Variants in SHE observed in about 807,000 individuals in gnomAD.
SHE encodes the protein SH2 domain-containing adapter protein E.
A neutral mutation model predicts 49.8 loss-of-function variants in SHE; 11 were observed. The observed-to-expected ratio is 0.22, with a 90% CI of 0.14 to 0.37. The LOEUF is 0.37. SHE is among the 10% of genes least tolerant of loss of function. The pLI is 1.00. For missense variants in SHE, 624 were observed against 655.5 expected, an observed-to-expected ratio of 0.95 and a Z score of 0.52; for synonymous variants, 310 against 278.1, an observed-to-expected ratio of 1.11 and a Z score of -1.14.
At position 154,483,998 on chromosome 1, in the gene SHE, A is replaced by C; in HGVS notation, c.*151T>G. Reference sequence around the variant, plus strand: ...GGGCAACACAGCGAGACTTCGTCTCAAACAAAACAAAACAAATCACTCTCT... The same window carrying C: ...GGGCAACACAGCGAGACTTCGTCTCCAACAAAACAAAACAAATCACTCTCT... On this transcript the variant is annotated 3_prime_UTR_variant, in exon 6 of 6. Transcript: ENST00000304760. 7.0e-7 allele frequency: 1 copy of C among 1,424,982 alleles called. No homozygotes were observed. The highest frequency in any genetic ancestry group is 2.9e-5 in the Admixed American group (1 of 34,912). The allele number at this position is 1,424,982 out of a possible 1,614,324, so 88.3% of individuals were successfully genotyped here.
At chr1:154,498,161 T>A (rs1393346151) in intron 2 of SHE, among the ~76,000 whole-genome samples, 1 of 151,974 alleles carries the variant, frequency 6.6e-6, no homozygotes, top group Non-Finnish European at 1.5e-5. Flanking sequence ...GGCTCAATCT[T>A]GGCTCACTGC....
chr1:154,495,395 A>G (rs1692495595), intron 2 of SHE, among the ~76,000 whole-genome samples: 1 of 152,232 alleles, frequency 6.6e-6, no homozygotes, highest in South Asian at 2.1e-4. Context: ...ATATCTTTTT[A>G]TGAACAATCC....
rs138234287 is a variant in SHE at position 154,488,243 on chromosome 1, G to C, written c.1024+808C>G. ...GGCATGAGCCACCACACCCAGCATA[G>C]TTATACTTTTGTATAATTATTATTA... is the stretch of plus-strand genomic sequence containing the variant. On this transcript the variant is annotated intron_variant, in intron 3 of 5. Transcript: ENST00000304760. 5.0e-4 allele frequency among the ~76,000 whole-genome samples: 75 copies of C among 151,162 alleles called. 1 individual carries two copies. The East Asian group carries it at 0.013, about 27-fold the overall frequency.
In SHE at chr1:154,499,069, G is replaced by C. The variant is rs1692625493; in HGVS notation, c.718+43C>G. The C allele has an allele frequency of 2.5e-6, 4 of 1,604,550 alleles. No individual in the cohort carries two copies. In the Admixed American group the frequency reaches 5.0e-5, roughly 20 times the overall value. On this transcript the variant is annotated intron_variant, in intron 2 of 5. Coordinates refer to ENST00000304760, the MANE Select transcript of SHE (RefSeq NM_001010846.3). ...GTTACTATATTACAACACTCACTGAGTGTGAGATTTCAGTCTCTATTCTGT... is the reference window on the plus strand; with the variant it reads ...GTTACTATATTACAACACTCACTGACTGTGAGATTTCAGTCTCTATTCTGT...
At chr1:154,478,832 T>C (rs1691948921), downstream of SHE, among the ~76,000 whole-genome samples, 1 of 152,174 alleles carries the variant, frequency 6.6e-6, no homozygotes, top group South Asian at 2.1e-4. Flanking sequence ...TAAACACAGA[T>C]GGGTTAAAAC....
Position 154,486,631 on chromosome 1 carries a change from C to T in SHE, c.1077G>A (p.Gln359=). The T allele has an allele frequency of 1.2e-6, 2 of 1,614,170 alleles. No homozygotes were observed. Among genetic ancestry groups the T allele is most frequent in the African/African-American group, 1.3e-5 (1 of 75,054 alleles). The change falls in exon 4 of 6, where the codon CAG becomes CAA. Residue 359 remains glutamine, a synonymous_variant. Transcript: ENST00000304760. ...GGGTCCAGCTCTTCTGCCGGTGGTG[C>T]TGCCTCACTGTCTCCTCCCTGAAGG... is the stretch of plus-strand genomic sequence containing the variant. ...RPSFREETVR[Q]HHRQKSWTQK...
intron 2 of SHE, among the ~76,000 whole-genome samples, chr1:154,492,587 A>G (rs902183646): frequency 6.6e-6 from 1 of 152,222 alleles, no homozygotes; most frequent in Non-Finnish European, 1.5e-5. Flanking sequence ...TCAGTCCTAC[A>G]GTTTTTCTTC....
chr1:154,487,087 C>T (rs1692203126), intron 3 of SHE, among the ~76,000 whole-genome samples: 1 of 152,040 alleles, frequency 6.6e-6, no homozygotes, highest in African/African-American at 2.4e-5. Flanking sequence ...TCCTGGCTAA[C>T]CTGGTGAAAC....
chr1:154,479,466 G>T (rs1384357533), downstream of SHE: 2 of 981,434 alleles, frequency 2.0e-6, no homozygotes, highest in Admixed American at 6.2e-5. Context: ...ACTGAATTAA[G>T]CAAAACCACT....
At chr1:154,492,047 G>T (rs998152518) in intron 2 of SHE, among the ~76,000 whole-genome samples, 1 of 152,144 alleles carries the variant, frequency 6.6e-6, no homozygotes, top group Admixed American at 6.5e-5. Flanking sequence ...AAATGCCACT[G>T]ACTCATTAAG....
intron 1 of SHE, 145 bp downstream of exon 1, chr1:154,501,291 T>C: frequency 1.3e-6 from 1 of 759,434 alleles, no homozygotes; most frequent in Non-Finnish European, 2.2e-6. Context: ...TTTTAAATGG[T>C]CAGGAATTCC....
Position 154,483,123 on chromosome 1 carries a change from T to TA in SHE, c.*1025dup. On this transcript the variant is annotated 3_prime_UTR_variant, in exon 6 of 6. Transcript: ENST00000304760. Reference sequence around the variant, plus strand: ...CCTTTTATTCTATAATTCAGAATTCTAATAATGATGCCAATGCCTAATGAT... The same window carrying TA: ...CCTTTTATTCTATAATTCAGAATTCTAAATAATGATGCCAATGCCTAATGAT... 2 of 985,082 alleles carry TA rather than the reference T, an allele frequency of 2.0e-6. No individual in the cohort carries two copies. Among genetic ancestry groups the TA allele is most frequent in the Non-Finnish European group, 2.4e-6 (2 of 829,574 alleles). 61.0% of individuals were successfully genotyped at this position (985,082 alleles called of 1,614,324 possible).
downstream of SHE, among the ~76,000 whole-genome samples, chr1:154,475,096 G>A (rs1235009217): frequency 2.0e-5 from 3 of 152,216 alleles, no homozygotes; most frequent in African/African-American, 4.8e-5. Flanking sequence ...GGGAGTGGGA[G>A]GCCTGCCGGG....
intron 3 of SHE, among the ~76,000 whole-genome samples, chr1:154,488,722 G>A (rs1301047270): frequency 6.6e-6 from 1 of 152,036 alleles, no homozygotes; most frequent in East Asian, 1.9e-4. Flanking sequence ...CACTAGCTGG[G>A]ATTACACGCG....
At position 154,481,442 on chromosome 1, in the gene SHE, A is replaced by AT; in HGVS notation, c.*2706dup. ...GTATGACTTGTCACAGAGAAACAGT[A>AT]TAGAAGAAGCATAATACTGGGCATA... On this transcript the variant is annotated 3_prime_UTR_variant, in exon 6 of 6. Transcript: ENST00000304760. 1 of 985,478 alleles carries AT rather than the reference A, an allele frequency of 1.0e-6. No individual in the cohort carries two copies. Among genetic ancestry groups the AT allele is most frequent in the Non-Finnish European group, 1.2e-6 (1 of 829,940 alleles). 61.0% of individuals were successfully genotyped at this position (985,478 alleles called of 1,614,324 possible).
rs1319355413 is a variant in SHE, at chr1:154,481,798, T to A, written c.*2351A>T. On this transcript the variant is annotated 3_prime_UTR_variant, in exon 6 of 6. Transcript: ENST00000304760. ...ACTAAAGATATAGTAAATGAACCAA[T>A]ACACACTGAAAACATTCTATCAGTA... The A allele has an allele frequency of 1.0e-6, 1 of 974,556 alleles. No individual in the cohort carries two copies. The highest frequency in any genetic ancestry group is 1.1e-4 in the East Asian group (1 of 8,784). 60.4% of individuals were successfully genotyped at this position (974,556 alleles called of 1,614,324 possible).
downstream of SHE, chr1:154,469,699 G>A (rs1691697670): frequency 6.6e-6 from 1 of 152,322 alleles, no homozygotes; most frequent in Admixed American, 6.5e-5. Flanking sequence ...TCTGGAAGGG[G>A]TGTGTGGGAT....
rs2149289457 is a variant in SHE at position 154,481,167 on chromosome 1, T to C, written c.*2982A>G. On this transcript the variant is annotated 3_prime_UTR_variant, in exon 6 of 6. Coordinates refer to ENST00000304760, the MANE Select transcript of SHE (RefSeq NM_001010846.3). The stretch of plus-strand genomic sequence containing the variant: ...CATGGAGGTTTAACAAGGAAGCCAT[T>C]AGGGACACCCTGCTGGGCCTAATTG... 5 of 985,428 alleles carry C rather than the reference T, an allele frequency of 5.1e-6. No homozygotes were observed. The highest frequency in any genetic ancestry group is 1.1e-4 in the East Asian group (1 of 8,824). 61.0% of individuals were successfully genotyped at this position (985,428 alleles called of 1,614,324 possible).
rs978663635 is a variant in SHE at position 154,494,688 on chromosome 1, G to T, written c.718+4424C>A. On this transcript the variant is annotated intron_variant, in intron 2 of 5. Coordinates refer to ENST00000304760, the MANE Select transcript of SHE (RefSeq NM_001010846.3). ...AAAACCACAGCTTGCTGAATGACAT[G>T]GTATTTTCAGTTGTGTAATTTGAAC... Among the ~76,000 whole-genome samples the T allele has an allele frequency of 5.3e-5, 8 of 152,134 alleles. 1 individual carries two copies. Among genetic ancestry groups the T allele is most frequent in the East Asian group, 3.9e-4 (2 of 5,188 alleles).
Sources: allele counts gnomAD v4.1 joint callset (sites outside exome capture counted in the v4.1 genomes callset), GRCh38; gene constraint gnomAD v4.1.1; transcripts MANE v1.5; gene names NCBI Gene and HGNC (gene_info 2026-07-23, HGNC 2026-07-21).